RFX2: variants seen among roughly 807,000 people sequenced by gnomAD.
RFX2 encodes the protein regulatory factor X2.
RFX2 carries 20 observed loss-of-function variants against 87.8 expected under a neutral mutation model. That is an observed-to-expected ratio of 0.23 (90% confidence interval 0.16 to 0.33). The LOEUF (loss-of-function observed/expected upper bound fraction) is 0.33. Ranked by LOEUF, RFX2 falls within the 10% of genes least tolerant of loss-of-function variation. The probability of loss-of-function intolerance (pLI) is 1.00; values close to 1 mark genes in which losing one functional copy is unlikely to be tolerated. For synonymous variants in RFX2, 397 were observed against 431.3 expected, an observed-to-expected ratio of 0.92 and a Z score of 0.98; for missense variants, 767 against 1,012.3, an observed-to-expected ratio of 0.76 and a Z score of 3.29.
chr19:6,051,240 A>C, intron 1 of RFX2, among the ~76,000 whole-genome samples: 1 of 152,216 alleles, frequency 6.6e-6, no homozygotes, highest in East Asian at 1.9e-4. Context: ...ATTATAAAAA[A>C]CCGTATTTTT....
rs1351761444 is a variant in RFX2 at position 6,044,418 on chromosome 19, C to T, written c.91-136G>A. ...AGGCAGGACTGATCAGAGGCGACGG[C>T]GGGGTGATGGTCAGACTTGCACACT... On this transcript the variant is annotated intron_variant, in intron 2 of 17. Transcript: ENST00000303657. The surrounding 1 kb of genome is among the most constrained non-coding windows in gnomAD (Gnocchi z 5.3). 2 of 511,816 alleles carry T rather than the reference C, an allele frequency of 3.9e-6. No individual in the cohort carries two copies. Among genetic ancestry groups the T allele is most frequent in the East Asian group, 3.6e-5 (1 of 27,496 alleles). 31.7% of individuals were successfully genotyped at this position (511,816 alleles called of 1,614,324 possible). A position where few individuals can be genotyped will look rare whatever the true frequency, so the allele number is the denominator to read the frequency against.
Position 6,013,112 on chromosome 19 carries a change from A to G in RFX2, c.780-7T>C. ...ATGGTACTTCGAGTTGCCCCTGGAAACCAAACATCCCAGGGTCAGCTCCCT... is the reference window on the plus strand; with the variant it reads ...ATGGTACTTCGAGTTGCCCCTGGAAGCCAAACATCCCAGGGTCAGCTCCCT... On this transcript the variant is annotated splice_region_variant and splice_polypyrimidine_tract_variant and intron_variant, in intron 7 of 17. Transcript: ENST00000303657. This position sits in a 1 kb window ranked among gnomAD's most constrained non-coding sequence, Gnocchi z 4.1. 6.3e-7 allele frequency: 1 copy of G among 1,585,474 alleles called. No individual in the cohort carries two copies. Among genetic ancestry groups the G allele is most frequent in the Non-Finnish European group, 8.6e-7 (1 of 1,166,890 alleles).
intron 1 of RFX2, among the ~76,000 whole-genome samples, chr19:6,081,060 A>G (rs1345447101): frequency 6.6e-6 from 1 of 151,208 alleles, no homozygotes; most frequent in Non-Finnish European, 1.5e-5. Flanking sequence ...AAAAAATCCA[A>G]TTGCTAAGGG....
At chr19:6,105,907 T>G (rs1426358056) in intron 1 of RFX2, among the ~76,000 whole-genome samples, 1 of 152,048 alleles carries the variant, frequency 6.6e-6, no homozygotes, top group African/African-American at 2.4e-5. Context: ...TTGGCCACCT[T>G]AAGTTTAAGG....
chr19:6,024,728 AGTGAGGACGGGATCACG>A lies in RFX2; in HGVS notation c.597+1418_597+1434del, dbSNP rs1277805003. On this transcript the variant is annotated intron_variant, in intron 6 of 17. Coordinates refer to ENST00000303657, the MANE Select transcript of RFX2 (RefSeq NM_000635.4). The surrounding 1 kb of genome is among the most constrained non-coding windows in gnomAD (Gnocchi z 5.0). Reference sequence around the variant, plus strand: ...AGGATGGAATCACAGTGAGGACGGGAGTGAGGACGGGATCACGGTGAGGACGGGAGTGAGGACGGGAT... The same window carrying A: ...AGGATGGAATCACAGTGAGGACGGGAGTGAGGACGGGAGTGAGGACGGGAT... Among the ~76,000 whole-genome samples the A allele has an allele frequency of 6.6e-6, 1 of 151,364 alleles. No homozygotes were observed. The highest frequency in any genetic ancestry group is 2.0e-4 in the East Asian group (1 of 5,128).
intron 1 of RFX2, among the ~76,000 whole-genome samples, chr19:6,052,524 T>C (rs749647958): frequency 6.6e-6 from 1 of 152,208 alleles, no homozygotes; most frequent in Non-Finnish European, 1.5e-5. Context: ...ACAGAATATC[T>C]GAATTATATT....
At position 6,017,665 on chromosome 19, in the gene RFX2, C is replaced by G. The variant is rs892632447; in HGVS notation, c.598-1394G>C. On this transcript the variant is annotated intron_variant, in intron 6 of 17. Transcript: ENST00000303657. The surrounding 1 kb of genome is among the most constrained non-coding windows in gnomAD (Gnocchi z 4.1). ...CAGCTGCTTTGTCTAGGCTGAGCCCCGCTTCCAGAGCTCCGAAGGGCTCCT... is the reference window on the plus strand; with the variant it reads ...CAGCTGCTTTGTCTAGGCTGAGCCCGGCTTCCAGAGCTCCGAAGGGCTCCT... Among the ~76,000 whole-genome samples, 1 of 152,284 alleles carries G rather than the reference C, an allele frequency of 6.6e-6. No homozygotes were observed. Among genetic ancestry groups the G allele is most frequent in the African/African-American group, 2.4e-5 (1 of 41,566 alleles).
At chr19:6,030,686 C>A (rs531433940) in intron 5 of RFX2, among the ~76,000 whole-genome samples, 1 of 152,048 alleles carries the variant, frequency 6.6e-6, no homozygotes, top group Non-Finnish European at 1.5e-5. Context: ...GGTGATTGTA[C>A]CACACTGTGA....
intron 1 of RFX2, among the ~76,000 whole-genome samples, chr19:6,053,933 G>A (rs2087296849): frequency 7.0e-6 from 1 of 142,018 alleles, no homozygotes; most frequent in African/African-American, 2.7e-5. Flanking sequence ...TCCAGCCTGG[G>A]TGACAGAGCA....
intron 1 of RFX2, among the ~76,000 whole-genome samples, chr19:6,086,055 G>T (rs980524931): frequency 7.5e-6 from 1 of 134,042 alleles, no homozygotes; most frequent in Non-Finnish European, 1.5e-5. Context: ...TTGTACCACT[G>T]CACTCCAGCC....
In RFX2 at chr19:6,041,013, G is replaced by T. The variant is rs150658958; in HGVS notation, c.261-772C>A. On this transcript the variant is annotated intron_variant, in intron 4 of 17. Transcript: ENST00000303657. The stretch of plus-strand genomic sequence containing the variant: ...CACGTGCATACAGACTGGTAGAACT[G>T]AATAAGGCCTGTGGGCTAGTTAACA... Among the ~76,000 whole-genome samples, 76 of 152,316 alleles carry T rather than the reference G, an allele frequency of 5.0e-4. 1 individual carries two copies. The East Asian group carries it at 9.3e-3, about 19-fold the overall frequency.
chr19:6,085,797 A>C (rs1224098217), intron 1 of RFX2, among the ~76,000 whole-genome samples: 1 of 152,122 alleles, frequency 6.6e-6, no homozygotes, highest in African/African-American at 2.4e-5. Context: ...GTATGTTATA[A>C]AATAAAAGTC....
At chr19:6,059,730 T>A (rs1181494208) in intron 1 of RFX2, among the ~76,000 whole-genome samples, 2 of 151,542 alleles carry the variant, frequency 1.3e-5, no homozygotes, top group African/African-American at 4.9e-5. Flanking sequence ...GACATACACA[T>A]ATACACAAAC....
rs372288909 is a variant in RFX2 at position 6,043,027 on chromosome 19, T to G, written c.181-904A>C. On this transcript the variant is annotated intron_variant, in intron 3 of 17. Coordinates refer to ENST00000303657, the MANE Select transcript of RFX2 (RefSeq NM_000635.4). ...GCTGACCTGCCCCTCCTTGGACCAC[T>G]GAGCATGGTATGCACTTGTCCAACG... 3.3e-5 allele frequency among the ~76,000 whole-genome samples: 5 copies of G among 152,338 alleles called. No homozygotes were observed. In the South Asian group the frequency reaches 1.0e-3, roughly 32 times the overall value.
chr19:6,029,977 G>A (rs1194078988), intron 5 of RFX2, among the ~76,000 whole-genome samples: 1 of 152,180 alleles, frequency 6.6e-6, no homozygotes, highest in Non-Finnish European at 1.5e-5. Context: ...AATGAGCTGA[G>A]CCTAAGAAAC....
At chr19:6,038,113 G>A (rs1281222417) in intron 5 of RFX2, among the ~76,000 whole-genome samples, 1 of 152,010 alleles carries the variant, frequency 6.6e-6, no homozygotes, top group African/African-American at 2.4e-5. Context: ...GATCACTTGA[G>A]GTCAGGCATT....
In RFX2 at chr19:6,040,149, G is replaced by A. The variant is rs150537865; in HGVS notation, c.353C>T (p.Thr118Ile). 216 of 1,607,464 alleles carry A rather than the reference G, an allele frequency of 1.3e-4. No homozygotes were observed. Among genetic ancestry groups the A allele is most frequent in the Middle Eastern group, 8.3e-4 (5 of 5,996 alleles). Residue 118 changes from threonine (T) to isoleucine (I), a missense_variant, in exon 5 of 18, where the codon ACC becomes ATC. Coordinates refer to ENST00000303657, the MANE Select transcript of RFX2 (RefSeq NM_000635.4). This position sits in a 1 kb window ranked among gnomAD's most constrained non-coding sequence, Gnocchi z 6.1. ...CGCTGGCGGGGACGAGGCTGCCACG[G>A]TCACCTGGGCACCGCCTGGGGCCTC... ...YFEAPGGAQV[T>I]VAASSPPAVP...
At chr19:6,099,151 C>T (rs1010534257) in intron 1 of RFX2, among the ~76,000 whole-genome samples, 6 of 152,000 alleles carry the variant, frequency 3.9e-5, no homozygotes, top group African/African-American at 7.3e-5. Context: ...GACTTTTTAA[C>T]AGAGTGAAAT....
Position 5,994,765 on chromosome 19 carries a change from G to T in RFX2, c.*70C>A. On this transcript the variant is annotated 3_prime_UTR_variant, in exon 18 of 18. Transcript: ENST00000303657. The stretch of plus-strand genomic sequence containing the variant: ...AAGAGGCACTAATTTGGTGGAGCCG[G>T]TGAAATCCAGGTTCCCAGAGTGACC... 9.8e-7 allele frequency: 1 copy of T among 1,025,546 alleles called. No individual in the cohort carries two copies. The highest frequency in any genetic ancestry group is 1.5e-6 in the Non-Finnish European group (1 of 674,468). The allele number at this position is 1,025,546 out of a possible 1,614,324, so 63.5% of individuals were successfully genotyped here.
Sources: allele counts gnomAD v4.1 joint callset (sites outside exome capture counted in the v4.1 genomes callset), GRCh38; gene constraint gnomAD v4.1.1; non-coding constraint Gnocchi (gnomAD v3.1); transcripts MANE v1.5; gene names NCBI Gene and HGNC (gene_info 2026-07-23, HGNC 2026-07-21).